Variants in LARP1B observed in about 807,000 individuals in gnomAD.
LARP1B encodes La ribonucleoprotein 1B.
Under a neutral mutation model 114.2 loss-of-function variants are expected in LARP1B, and 76 were observed. The observed-to-expected ratio is 0.67, with a 90% CI of 0.55 to 0.81. The LOEUF (loss-of-function observed/expected upper bound fraction) is 0.81, where lower values mean the gene tolerates loss of function less well. Ranked by LOEUF, LARP1B falls within the 30% of genes least tolerant of loss-of-function variation. LARP1B has a pLI of 0.00. For synonymous variants in LARP1B, 345 were observed against 348.0 expected, an observed-to-expected ratio of 0.99 and a Z score of 0.10; for missense variants, 1,014 against 1,075.8, an observed-to-expected ratio of 0.94 and a Z score of 0.80.
At chr4:128,203,966 G>A (rs1016947462) in intron 17 of LARP1B, among the ~76,000 whole-genome samples, 1 of 152,186 alleles carries the variant, frequency 6.6e-6, no homozygotes, top group Non-Finnish European at 1.5e-5. Context: ...ATGAGTAAAT[G>A]ACAACTGAGA....
At chr4:128,213,786 A>G (rs923559129), downstream of LARP1B, among the ~76,000 whole-genome samples, 11 of 152,200 alleles carry the variant, frequency 7.2e-5, no homozygotes, top group Admixed American at 2.6e-4. Flanking sequence ...AAAAGGAATT[A>G]GTGGGGGGAG....
chr4:128,190,984 T>G (rs1438307847), intron 15 of LARP1B, among the ~76,000 whole-genome samples: 1 of 152,228 alleles, frequency 6.6e-6, no homozygotes, highest in Admixed American at 6.5e-5. Flanking sequence ...TTGCAGGTGT[T>G]CTTCATTCCT....
At chr4:128,075,022 TA>T in intron 3 of LARP1B, 29 bp downstream of exon 3, 11 of 1,415,530 alleles carry the variant, frequency 7.8e-6, no homozygotes, top group South Asian at 1.2e-5. Context: ...TTTTTTTTTT[TA>T]AAGAAAGGAA....
chr4:128,210,351 CCATGGTTTTACAAAAA>C lies in LARP1B; in HGVS notation c.*301_*316del. 8.9e-7 allele frequency: 1 copy of C among 1,120,432 alleles called. No homozygotes were observed. The highest frequency in any genetic ancestry group is 1.1e-6 in the Non-Finnish European group (1 of 914,262). 69.4% of individuals were successfully genotyped at this position (1,120,432 alleles called of 1,614,324 possible). On this transcript the variant is annotated 3_prime_UTR_variant, in exon 20 of 20. Transcript: ENST00000326639. Reference sequence around the variant, plus strand: ...TTGATCTCAGATTTCTTTTTCAAAGCCATGGTTTTACAAAAACAGCATTCCTTAAATATATTTAAAA... The same window carrying C: ...TTGATCTCAGATTTCTTTTTCAAAGCCAGCATTCCTTAAATATATTTAAAA...
rs371071215 is a variant in LARP1B at position 128,091,091 on chromosome 4, G to T, written c.449G>T (p.Gly150Val). The T allele has an allele frequency of 6.2e-7, 1 of 1,613,888 alleles. No homozygotes were observed. ...GGTAATATCCGAGGTTCCTTTAGAG[G>T]TCGAGGAAGAGGCCGAGGACGGGGA... is the stretch of plus-strand genomic sequence containing the variant. ...EGGNIRGSFRGRGRGRGRGRG... is the reference protein window; with the variant it reads ...EGGNIRGSFRVRGRGRGRGRG... The change falls in exon 6 of 20, where the codon GGT becomes GTT. Residue 150 changes from glycine (G) to valine (V), a missense_variant. By Grantham distance (109) the Gly-to-Val change is moderately radical. Transcript: ENST00000326639.
intron 15 of LARP1B, among the ~76,000 whole-genome samples, chr4:128,183,936 A>G (rs1270670718): frequency 6.6e-6 from 1 of 152,214 alleles, no homozygotes; most frequent in Non-Finnish European, 1.5e-5. Flanking sequence ...GGAAATAGCA[A>G]GAGAAGTAGA....
At chr4:128,140,201 G>T (rs1001503) in intron 11 of LARP1B, among the ~76,000 whole-genome samples, 1 of 151,964 alleles carries the variant, frequency 6.6e-6, no homozygotes, top group South Asian at 2.1e-4. Context: ...GCACTACCCT[G>T]GAGGAATTTA....
intron 5 of LARP1B, among the ~76,000 whole-genome samples, chr4:128,083,284 C>T (rs1771385261): frequency 6.6e-6 from 1 of 152,144 alleles, no homozygotes; most frequent in African/African-American, 2.4e-5. Flanking sequence ...CTTTCTATTC[C>T]ACAAAACCGC....
intron 1 of LARP1B, among the ~76,000 whole-genome samples, chr4:128,068,366 G>A (rs75266192): frequency 3.1e-4 from 47 of 151,000 alleles, no homozygotes; most frequent in Middle Eastern, 3.4e-3. Flanking sequence ...CCAGGCTAGC[G>A]TAGGAGTACA....
chr4:128,075,055 A>G (rs967312117), intron 3 of LARP1B, 62 bp downstream of exon 3: 2 of 1,088,328 alleles, frequency 1.8e-6, no homozygotes, highest in Non-Finnish European at 2.8e-6. Flanking sequence ...TTCGACATGC[A>G]GAATTTTATT....
chr4:128,096,609 T>C (rs1157039851), intron 7 of LARP1B, among the ~76,000 whole-genome samples: 1 of 152,062 alleles, frequency 6.6e-6, no homozygotes, highest in Non-Finnish European at 1.5e-5. Flanking sequence ...TCTTTTTTTT[T>C]TTTCTGTTTG....
chr4:128,087,329 A>G (rs1176789967), intron 5 of LARP1B, among the ~76,000 whole-genome samples: 2 of 152,206 alleles, frequency 1.3e-5, no homozygotes, highest in African/African-American at 4.8e-5. Flanking sequence ...CTGAAATCTG[A>G]TAAGTCATGT....
At chr4:128,061,748 G>T in intron 1 of LARP1B, 2 of 984,958 alleles carry the variant, frequency 2.0e-6, no homozygotes, top group African/African-American at 1.7e-5. Flanking sequence ...TCCGCCCGCG[G>T]TGACTGCTGA....
At chr4:128,140,958 G>T (rs942248063) in intron 11 of LARP1B, among the ~76,000 whole-genome samples, 2 of 152,086 alleles carry the variant, frequency 1.3e-5, no homozygotes, top group Admixed American at 1.3e-4. Flanking sequence ...TGGGATTACA[G>T]GCATGCACCA....
intron 12 of LARP1B, among the ~76,000 whole-genome samples, chr4:128,164,909 T>C (rs1421108673): frequency 6.6e-6 from 1 of 151,824 alleles, no homozygotes. Context: ...GTAGGAAAAA[T>C]AGGCAGCAGT....
At chr4:128,205,796 C>A (rs1011997006) in intron 17 of LARP1B, among the ~76,000 whole-genome samples, 1 of 152,120 alleles carries the variant, frequency 6.6e-6, no homozygotes, top group Non-Finnish European at 1.5e-5. Flanking sequence ...TAACACATCC[C>A]CAATTTATCA....
intron 15 of LARP1B, among the ~76,000 whole-genome samples, chr4:128,192,170 AC>A (rs1283575475): frequency 1.3e-5 from 2 of 152,252 alleles, no homozygotes; most frequent in Admixed American, 1.3e-4. Flanking sequence ...TAAGGTATGT[AC>A]TTTTTTTAAG....
At chr4:128,143,652 G>A (rs1457095292) in intron 11 of LARP1B, among the ~76,000 whole-genome samples, 1 of 152,146 alleles carries the variant, frequency 6.6e-6, no homozygotes, top group Non-Finnish European at 1.5e-5. Context: ...TGGAACAGTG[G>A]TGGGGGAGAG....
chr4:128,140,578 GATCCTC>G (rs1727555697), intron 11 of LARP1B, among the ~76,000 whole-genome samples: 1 of 152,144 alleles, frequency 6.6e-6, no homozygotes, highest in East Asian at 1.9e-4. Context: ...GGAGGTGTAG[GATCCTC>G]AGAAGTTTCT....
Sources: allele counts gnomAD v4.1 joint callset (sites outside exome capture counted in the v4.1 genomes callset), GRCh38; gene constraint gnomAD v4.1.1; transcripts MANE v1.5; gene names NCBI Gene and HGNC (gene_info 2026-07-23, HGNC 2026-07-21).